The following XRRA1 variants were observed in gnomAD, a reference collection of about 807,000 sequenced individuals.
XRRA1 encodes the protein X-ray radiation resistance associated 1.
A neutral mutation model predicts 80.2 loss-of-function variants in XRRA1; 69 were observed. The ratio of observed to expected loss-of-function variants is 0.86; its 90% CI spans 0.71 to 1.05. The LOEUF is 1.05. XRRA1 is among the 50% of genes least tolerant of loss of function. The probability of loss-of-function intolerance (pLI) is 0.00; values close to 1 mark genes in which losing one functional copy is unlikely to be tolerated. For synonymous variants in XRRA1, 348 were observed against 389.9 expected, an observed-to-expected ratio of 0.89 and a Z score of 1.27; for missense variants, 967 against 976.4, an observed-to-expected ratio of 0.99 and a Z score of 0.13.
chr11:74,907,105 G>T, intron 9 of XRRA1, 40 bp downstream of exon 9: 1 of 1,611,532 alleles, frequency 6.2e-7, no homozygotes, highest in Non-Finnish European at 8.5e-7. Context: ...CAAGCCTGGG[G>T]ATTAGAGGAG....
At chr11:74,929,604 T>C (rs1017531498) in intron 6 of XRRA1, among the ~76,000 whole-genome samples, 20 of 152,232 alleles carry the variant, frequency 1.3e-4, no homozygotes, top group African/African-American at 4.6e-4. Context: ...TCAGTCTTCC[T>C]GATCAGACAA....
At chr11:74,928,856 T>G (rs1298395001) in intron 6 of XRRA1, among the ~76,000 whole-genome samples, 1 of 152,016 alleles carries the variant, frequency 6.6e-6, no homozygotes, top group Non-Finnish European at 1.5e-5. Flanking sequence ...CCAAATTACC[T>G]CCAAGATGCT....
At chr11:74,933,755 C>T (rs1944234074) in intron 5 of XRRA1, 46 bp downstream of exon 5, 3 of 1,540,780 alleles carry the variant, frequency 1.9e-6, no homozygotes, top group Middle Eastern at 1.7e-4. Context: ...GGTGCGCCAC[C>T]TCAAGTCTGG....
intron 10 of XRRA1, among the ~76,000 whole-genome samples, chr11:74,886,265 T>TCAGA (rs2048993419): frequency 6.6e-6 from 1 of 152,106 alleles, no homozygotes; most frequent in Non-Finnish European, 1.5e-5. Context: ...AGAGAGGAAG[T>TCAGA]CAGACTATCT....
Position 74,921,357 on chromosome 11 carries a change from A to G in XRRA1, c.523-10T>C, listed in dbSNP as rs1346648221. The G allele has an allele frequency of 6.2e-7, 1 of 1,613,844 alleles. No homozygotes were observed. The highest frequency in any genetic ancestry group is 1.1e-5 in the South Asian group (1 of 91,060). On this transcript the variant is annotated splice_polypyrimidine_tract_variant and intron_variant, in intron 7 of 18. Coordinates refer to ENST00000684022, the MANE Select transcript of XRRA1 (RefSeq NM_001378157.1). ...AGGAAAGGTCCAAGAACTGCCATGC[A>G]AAGATGAAAGATGGGGAAGGTAAGC...
chr11:74,844,991 T>C, intron 16 of XRRA1, 82 bp downstream of exon 16: 1 of 1,424,942 alleles, frequency 7.0e-7, no homozygotes, highest in Non-Finnish European at 9.7e-7. Context: ...GACAGCTTGG[T>C]GCCAGCCTTG....
At chr11:74,889,617 TAA>T (rs1184672266) in intron 10 of XRRA1, among the ~76,000 whole-genome samples, 1 of 152,108 alleles carries the variant, frequency 6.6e-6, no homozygotes, top group Non-Finnish European at 1.5e-5. Flanking sequence ...GCAAATTCGA[TAA>T]AGAGTCAAGA....
chr11:74,844,055 T>C, intron 17 of XRRA1, 96 bp from the exon 18 acceptor site: 1 of 1,458,564 alleles, frequency 6.9e-7, no homozygotes, highest in Non-Finnish European at 9.6e-7. Context: ...CTGGGGGGCA[T>C]CTGGGGGTGC....
intron 8 of XRRA1, among the ~76,000 whole-genome samples, chr11:74,917,116 TTG>T (rs1938981255): frequency 6.6e-6 from 1 of 152,200 alleles, no homozygotes; most frequent in African/African-American, 2.4e-5. Context: ...GCAACAATGG[TTG>T]TGTGCCTCTG....
intron 10 of XRRA1, among the ~76,000 whole-genome samples, chr11:74,898,211 T>C (rs1319166218): frequency 2.0e-5 from 3 of 152,134 alleles, no homozygotes; most frequent in African/African-American, 7.2e-5. Flanking sequence ...AAATAACGGG[T>C]TATAAGATAG....
intron 2 of XRRA1, 86 bp from the exon 3 acceptor site, chr11:74,940,968 AC>A: frequency 1.0e-6 from 1 of 956,582 alleles, no homozygotes; most frequent in Non-Finnish European, 1.6e-6. Flanking sequence ...TCATGAGCCC[AC>A]CAGGACCACC....
Position 74,897,965 on chromosome 11 carries a change from T to G in XRRA1, c.1003+8274A>C, listed in dbSNP as rs1036905939. On this transcript the variant is annotated intron_variant, in intron 10 of 18. Transcript: ENST00000684022. ...ACTAAGCACACAGAAAAACACAAAA[T>G]AGCATAATTCTGTAGTGGTCATGTG... Among the ~76,000 whole-genome samples the G allele has an allele frequency of 5.6e-4, 86 of 152,230 alleles. 2 individuals carry two copies. Among genetic ancestry groups the G allele is most frequent in the African/African-American group, 1.9e-3 (78 of 41,554 alleles).
chr11:74,893,892 T>C (rs1323413969), intron 10 of XRRA1, among the ~76,000 whole-genome samples: 1 of 152,242 alleles, frequency 6.6e-6, no homozygotes, highest in Non-Finnish European at 1.5e-5. Flanking sequence ...AATACCACTA[T>C]TGGGTATATA....
At chr11:74,908,738 T>C (rs567667287) in intron 8 of XRRA1, among the ~76,000 whole-genome samples, 9 of 152,248 alleles carry the variant, frequency 5.9e-5, no homozygotes, top group African/African-American at 2.2e-4. Context: ...AAGGCGCCTA[T>C]TCGGGAAAGG....
chr11:74,890,378 A>AC (rs2050315204), intron 10 of XRRA1, among the ~76,000 whole-genome samples: 1 of 152,242 alleles, frequency 6.6e-6, no homozygotes, highest in Non-Finnish European at 1.5e-5. Flanking sequence ...AACATACCAG[A>AC]ATCCCTGGGA....
chr11:74,938,246 C>T (rs1326485968), intron 3 of XRRA1, among the ~76,000 whole-genome samples: 2 of 152,212 alleles, frequency 1.3e-5, no homozygotes, highest in Non-Finnish European at 2.9e-5. Flanking sequence ...CAGTTCCTGC[C>T]CTATGTCTCA....
intron 10 of XRRA1, among the ~76,000 whole-genome samples, chr11:74,896,815 C>G (rs1235546240): frequency 1.3e-5 from 2 of 152,182 alleles, no homozygotes; most frequent in African/African-American, 4.8e-5. Flanking sequence ...CAGATCTTAC[C>G]TAAGACAACC....
intron 10 of XRRA1, among the ~76,000 whole-genome samples, chr11:74,887,317 T>C (rs1029048728): frequency 2.0e-5 from 3 of 152,214 alleles, no homozygotes; most frequent in Admixed American, 6.5e-5. Flanking sequence ...TTTCAAACTA[T>C]GTAACCAACA....
intron 3 of XRRA1, among the ~76,000 whole-genome samples, chr11:74,939,959 T>C (rs1385647795): frequency 1.3e-5 from 2 of 151,364 alleles, no homozygotes; most frequent in Non-Finnish European, 2.9e-5. Flanking sequence ...GTCTGATAGG[T>C]AGGTGGCCAG....
Sources: allele counts gnomAD v4.1 joint callset (sites outside exome capture counted in the v4.1 genomes callset), GRCh38; gene constraint gnomAD v4.1.1; transcripts MANE v1.5; gene names NCBI Gene and HGNC (gene_info 2026-07-23, HGNC 2026-07-21).